The following PTP4A1 variants were observed in gnomAD, a reference collection of about 807,000 sequenced individuals.
PTP4A1 encodes protein tyrosine phosphatase 4A1.
A neutral mutation model predicts 20.5 loss-of-function variants in PTP4A1; 9 were observed. The ratio of observed to expected loss-of-function variants is 0.44; its 90% CI spans 0.26 to 0.77. The LOEUF is 0.77. Among genes scored for constraint, PTP4A1 ranks in the 30% least tolerant of loss-of-function variants. PTP4A1 has a pLI of 0.19. For synonymous variants in PTP4A1, 78 were observed against 67.4 expected (o/e 1.16, Z -0.77); for missense variants, 137 against 218.8 (o/e 0.63, Z 2.36).
chr6:63,542,108 T>A (rs745656447), intron 2 of PTP4A1, among the ~76,000 whole-genome samples: 3 of 150,770 alleles, frequency 2.0e-5, no homozygotes, highest in Non-Finnish European at 2.9e-5. Flanking sequence ...AGGAATAAAT[T>A]AATGGCATTC....
At position 63,583,039 on chromosome 6, in the gene PTP4A1, A is replaced by G. The variant is rs2149520981; in HGVS notation, c.*2865A>G. ...AATATCTACTGTTTGCCAGGCATTT[A>G]AGAATATGGCAAAGAACATAAAAGA... On this transcript the variant is annotated 3_prime_UTR_variant, in exon 6 of 6. Coordinates refer to ENST00000626021, the MANE Select transcript of PTP4A1 (RefSeq NM_003463.5). 1 of 152,286 alleles carries G rather than the reference A, an allele frequency of 6.6e-6. No homozygotes were observed. Among genetic ancestry groups the G allele is most frequent in the South Asian group, 2.1e-4 (1 of 4,832 alleles). The allele number at this position is 152,286 out of a possible 1,614,324, so 9.4% of individuals were successfully genotyped here.
intron 2 of PTP4A1, among the ~76,000 whole-genome samples, chr6:63,545,076 A>G (rs1290334491): frequency 1.3e-5 from 2 of 152,220 alleles, no homozygotes; most frequent in Non-Finnish European, 2.9e-5. Context: ...ACCAATTGGC[A>G]TTCTACTGTA....
intron 2 of PTP4A1, among the ~76,000 whole-genome samples, chr6:63,538,662 G>A (rs1775821792): frequency 6.6e-6 from 1 of 152,092 alleles, no homozygotes; most frequent in South Asian, 2.1e-4. Flanking sequence ...TATTTTTTAA[G>A]ATAGCATGAA....
chr6:63,573,523 C>G (rs1012999395), intron 1 of PTP4A1: 1 of 152,178 alleles, frequency 6.6e-6, no homozygotes, highest in East Asian at 1.9e-4. Context: ...CGGGCGTGCT[C>G]GGGCGCACAC....
At chr6:63,523,946 G>C (rs977711904) in intron 1 of PTP4A1, among the ~76,000 whole-genome samples, 2 of 151,836 alleles carry the variant, frequency 1.3e-5, no homozygotes, top group African/African-American at 2.4e-5. Context: ...ATAAACAGTA[G>C]AAATAAATTA....
chr6:63,558,589 T>G (rs1039149382), intron 3 of PTP4A1, among the ~76,000 whole-genome samples: 1 of 152,178 alleles, frequency 6.6e-6, no homozygotes, highest in Non-Finnish European at 1.5e-5. Context: ...ATGTTGAATA[T>G]GAGGTGCCTC....
chr6:63,558,118 C>T (rs1045397583), intron 3 of PTP4A1, among the ~76,000 whole-genome samples: 3 of 152,110 alleles, frequency 2.0e-5, no homozygotes, highest in African/African-American at 7.2e-5. Context: ...GATCCACCCA[C>T]CTCGGCCTCC....
chr6:63,560,354 A>G (rs377260049), intron 3 of PTP4A1, among the ~76,000 whole-genome samples: 51 of 149,846 alleles, frequency 3.4e-4, no homozygotes, highest in East Asian at 2.3e-3. Flanking sequence ...AAAAAAAAAA[A>G]AAAGAAAGAA....
intron 3 of PTP4A1, among the ~76,000 whole-genome samples, chr6:63,560,518 T>C (rs1776897868): frequency 6.7e-6 from 1 of 150,310 alleles, no homozygotes; most frequent in South Asian, 2.2e-4. Context: ...TTCTCCTGCC[T>C]CAGCCACCCT....
intron 2 of PTP4A1, among the ~76,000 whole-genome samples, chr6:63,539,021 T>C (rs1775837835): frequency 6.6e-6 from 1 of 152,134 alleles, no homozygotes; most frequent in African/African-American, 2.4e-5. Context: ...GCTTCCCACA[T>C]AGCTGGGATT....
In PTP4A1 at chr6:63,583,118, A is replaced by G. The variant is rs1778347880; in HGVS notation, c.*2944A>G. 6.6e-6 allele frequency: 1 copy of G among 152,206 alleles called. No homozygotes were observed. Among genetic ancestry groups the G allele is most frequent in the Non-Finnish European group, 1.5e-5 (1 of 68,032 alleles). The allele number at this position is 152,206 out of a possible 1,614,324, so 9.4% of individuals were successfully genotyped here. Reference sequence around the variant, plus strand: ...AGTACCCGACCCGTTGCCATGATTAAGAGAGAATGCTTTCTATTGGAGTTT... The same window carrying G: ...AGTACCCGACCCGTTGCCATGATTAGGAGAGAATGCTTTCTATTGGAGTTT... On this transcript the variant is annotated 3_prime_UTR_variant, in exon 6 of 6. Transcript: ENST00000626021.
chr6:63,548,256 T>G (rs1461422355), intron 2 of PTP4A1, among the ~76,000 whole-genome samples: 1 of 152,254 alleles, frequency 6.6e-6, no homozygotes, highest in Non-Finnish European at 1.5e-5. Context: ...GAATCCAGAT[T>G]CAAATTATTT....
rs1778272357 is a variant in PTP4A1, at chr6:63,582,071, A to G, written c.*1897A>G. 6.6e-6 allele frequency: 1 copy of G among 152,112 alleles called. No individual in the cohort carries two copies. The highest frequency in any genetic ancestry group is 1.5e-5 in the Non-Finnish European group (1 of 67,998). The allele number at this position is 152,112 out of a possible 1,614,324, so 9.4% of individuals were successfully genotyped here. On this transcript the variant is annotated 3_prime_UTR_variant, in exon 6 of 6. Transcript: ENST00000626021. Reference sequence around the variant, plus strand: ...ACCAGTTTAACACTTAATATATTTCATTGGATTTTAGACAGGGCAAAAGGA... The same window carrying G: ...ACCAGTTTAACACTTAATATATTTCGTTGGATTTTAGACAGGGCAAAAGGA...
chr6:63,560,693 C>T (rs532408394), intron 3 of PTP4A1, among the ~76,000 whole-genome samples: 56 of 152,016 alleles, frequency 3.7e-4, no homozygotes, highest in African/African-American at 1.3e-3. Context: ...TGTGAGCCAC[C>T]GCACCCAGCC....
intron 3 of PTP4A1, among the ~76,000 whole-genome samples, chr6:63,559,718 C>G (rs891517056): frequency 6.6e-6 from 1 of 151,770 alleles, no homozygotes; most frequent in Non-Finnish European, 1.5e-5. Context: ...GCACTCCAGC[C>G]TGGGTGACAG....
chr6:63,572,729 C>A lies in PTP4A1; in HGVS notation c.-446+10C>A. The A allele has an allele frequency of 2.5e-6, 1 of 398,442 alleles. No homozygotes were observed. Among genetic ancestry groups the A allele is most frequent in the Non-Finnish European group, 4.4e-6 (1 of 225,656 alleles). The allele number at this position is 398,442 out of a possible 1,614,324, so 24.7% of individuals were successfully genotyped here. A position where few individuals can be genotyped will look rare whatever the true frequency, so the allele number is the denominator to read the frequency against. ...GAGTAAACATATTCCTGTGAGTAGC[C>A]GTCGCATCGTCGCCTCTCGGGCTGG... On this transcript the variant is annotated intron_variant, in intron 1 of 5. Coordinates refer to ENST00000626021, the MANE Select transcript of PTP4A1 (RefSeq NM_003463.5).
At chr6:63,531,511 G>A (rs892838850) in intron 2 of PTP4A1, among the ~76,000 whole-genome samples, 2 of 144,610 alleles carry the variant, frequency 1.4e-5, no homozygotes, top group Non-Finnish European at 3.0e-5. Flanking sequence ...TATCTATTAT[G>A]CTTTTTTTTT....
intron 1 of PTP4A1, among the ~76,000 whole-genome samples, chr6:63,526,217 C>G (rs1775163956): frequency 6.6e-6 from 1 of 151,950 alleles, no homozygotes; most frequent in South Asian, 2.1e-4. Flanking sequence ...CCCAGCTACT[C>G]AGGAGGCTGA....
intron 1 of PTP4A1, among the ~76,000 whole-genome samples, chr6:63,523,359 C>A (rs1217869704): frequency 6.6e-6 from 1 of 152,062 alleles, no homozygotes; most frequent in East Asian, 1.9e-4. Flanking sequence ...ATGGCAAAAC[C>A]CTGTCTCTAC....
Sources: gnomAD v4.1 joint callset for allele counts (sites outside exome capture counted in the v4.1 genomes callset) on GRCh38, gnomAD v4.1.1 for gene constraint, MANE v1.5 for transcripts, NCBI Gene and HGNC (gene_info 2026-07-23, HGNC 2026-07-21) for gene names.